Variants in MYO9B observed in about 807,000 individuals in gnomAD.
MYO9B encodes unconventional myosin-IXb.
MYO9B carries 71 observed loss-of-function variants against 229.5 expected under a neutral mutation model. That is an observed-to-expected ratio of 0.31 (90% confidence interval 0.26 to 0.38). MYO9B has a LOEUF of 0.38. MYO9B is among the 10% of genes least tolerant of loss of function. The pLI, the probability that MYO9B is intolerant of heterozygous loss-of-function variation, is 1.00. For synonymous variants in MYO9B, 1,185 were observed against 1,235.8 expected (o/e 0.96, Z 0.86); for missense variants, 2,255 against 2,920.5 (o/e 0.77, Z 5.25).
chr19:17,191,365 G>A, intron 20 of MYO9B, 146 bp downstream of exon 20: 3 of 1,132,080 alleles, frequency 2.6e-6, no homozygotes, highest in Non-Finnish European at 3.6e-6. Context: ...GCAGAGCACT[G>A]CACCTAAGGG....
rs1230350396 is a variant in MYO9B, at chr19:17,206,032, C to A, written c.5137C>A (p.Pro1713Thr). ...DSLTSDKASV[P>T]IVLEKLLEHV... ...CCTGACCAGCGACAAGGCCTCGGTG[C>A]CCATCGTGCTGGAGAAGCTCCTGGA... The change falls in exon 32 of 40, where the codon CCC becomes ACC. Residue 1713 changes from proline (P) to threonine (T), a missense_variant. Pro to Thr is a conservative substitution (Grantham distance 38). Transcript: ENST00000682292. 1.2e-6 allele frequency: 2 copies of A among 1,608,940 alleles called. No individual in the cohort carries two copies. The highest frequency in any genetic ancestry group is 2.7e-5 in the African/African-American group (2 of 74,852).
chr19:17,200,363 C>T lies in MYO9B; in HGVS notation c.4309C>T (p.Leu1437=). The T allele has an allele frequency of 6.2e-7, 1 of 1,609,398 alleles. No homozygotes were observed. The highest frequency in any genetic ancestry group is 8.5e-7 in the Non-Finnish European group (1 of 1,177,644). The stretch of plus-strand genomic sequence containing the variant: ...ATACAGCCTGGAGGGCGCAGAGGAG[C>T]TGGAGAATGCAGTGTCCGGGCACGT... ...KKYSLEGAEE[L]ENAVSGHVVL... The change falls in exon 25 of 40, where the codon CTG becomes TTG. Residue 1437 remains leucine (L), a synonymous_variant. Coordinates refer to ENST00000682292, the MANE Select transcript of MYO9B (RefSeq NM_004145.4).
chr19:17,083,192 C>T (rs1322047872), intron 1 of MYO9B, among the ~76,000 whole-genome samples: 3 of 151,990 alleles, frequency 2.0e-5, no homozygotes, highest in African/African-American at 4.8e-5. Context: ...GTCACCACCA[C>T]GCCAGGCTAA....
At chr19:17,127,629 C>T (rs2072141321) in intron 2 of MYO9B, among the ~76,000 whole-genome samples, 1 of 152,118 alleles carries the variant, frequency 6.6e-6, no homozygotes, top group African/African-American at 2.4e-5. Flanking sequence ...ATACCCAGCC[C>T]CCTAAGCATT....
intron 35 of MYO9B, chr19:17,208,143 T>A (rs958538309): frequency 6.7e-6 from 1 of 150,318 alleles, no homozygotes; most frequent in African/African-American, 2.5e-5. Flanking sequence ...AGAGTGAGAC[T>A]CCGTCTCAAA....
At chr19:17,184,029 G>A (rs1419904007) in intron 16 of MYO9B, 161 bp downstream of exon 16, 1 of 737,612 alleles carries the variant, frequency 1.4e-6, no homozygotes, top group African/African-American at 1.8e-5. Context: ...ATGATTTAGA[G>A]CTGTCTCTTT....
At chr19:17,113,635 G>T (rs1375725888) in intron 2 of MYO9B, among the ~76,000 whole-genome samples, 3 of 152,140 alleles carry the variant, frequency 2.0e-5, no homozygotes, top group African/African-American at 7.2e-5. Context: ...AGGTCCCTGA[G>T]GGGGGTGAGC....
In MYO9B at chr19:17,101,169, G is replaced by A. The variant is rs1346373796; in HGVS notation, c.-58-491G>A. ...TTGGGGTTGTCTGATGATGTCACTT[G>A]TAAAAGCCACTGTATTTTTTTTTAA... On this transcript the variant is annotated intron_variant, in intron 1 of 39. Transcript: ENST00000682292. The surrounding 1 kb of genome is among the most constrained non-coding windows in gnomAD (Gnocchi z 4.7). Among the ~76,000 whole-genome samples, 1 of 151,388 alleles carries A rather than the reference G, an allele frequency of 6.6e-6. No homozygotes were observed. The highest frequency in any genetic ancestry group is 2.4e-5 in the African/African-American group (1 of 41,192).
At position 17,207,327 on chromosome 19, in the gene MYO9B, A is replaced by G. The variant is rs531097166; in HGVS notation, c.5624+83A>G. ...GACAGCTCCATCCATCCCTGTGTAA[A>G]TAAATGTGTAAGAAAAGTCCAGAGC... On this transcript the variant is annotated intron_variant, in intron 35 of 39. Transcript: ENST00000682292. 2.6e-6 allele frequency: 4 copies of G among 1,512,888 alleles called. No individual in the cohort carries two copies. In the East Asian group the frequency reaches 9.8e-5, roughly 37 times the overall value. 93.7% of individuals were successfully genotyped at this position (1,512,888 alleles called of 1,614,324 possible). A position where few individuals can be genotyped will look rare whatever the true frequency, so the allele number is the denominator to read the frequency against.
At chr19:17,078,100 G>A (rs2057502675) in intron 1 of MYO9B, among the ~76,000 whole-genome samples, 1 of 152,132 alleles carries the variant, frequency 6.6e-6, no homozygotes, top group African/African-American at 2.4e-5. Context: ...CTTCCAAATG[G>A]TGTGTCTTGG....
intron 2 of MYO9B, among the ~76,000 whole-genome samples, chr19:17,114,292 T>C (rs1281447143): frequency 1.3e-5 from 2 of 152,138 alleles, no homozygotes; most frequent in South Asian, 2.1e-4. Flanking sequence ...TTCGGCACGA[T>C]TGTGGAGTGG....
chr19:17,116,764 G>T (rs2057908203), intron 2 of MYO9B, among the ~76,000 whole-genome samples: 1 of 152,220 alleles, frequency 6.6e-6, no homozygotes, highest in Admixed American at 6.5e-5. Flanking sequence ...GTCTTTGGTG[G>T]GTATGGAGAG....
In MYO9B at chr19:17,102,466, A is replaced by G; in HGVS notation, c.749A>G (p.Asn250Ser). The part of the protein sequence containing the change: ...ESGSGKTQST[N>S]FLIHCLTALS... ...GGCTCCGGCAAGACCCAGAGCACCA[A>G]CTTCCTCATCCACTGCCTCACCGCC... Residue 250 changes from asparagine (N) to serine (S), a missense_variant, in exon 2 of 40, where the codon AAC (asparagine) becomes AGC (serine). By Grantham distance (46) the Asn-to-Ser change is conservative. Transcript: ENST00000682292. 3.1e-6 allele frequency: 5 copies of G among 1,613,858 alleles called. No individual in the cohort carries two copies. The highest frequency in any genetic ancestry group is 1.1e-5 in the South Asian group (1 of 91,086).
chr19:17,189,096 G>C (rs2072952207), intron 19 of MYO9B, among the ~76,000 whole-genome samples: 1 of 151,556 alleles, frequency 6.6e-6, no homozygotes, highest in African/African-American at 2.4e-5. Context: ...GGGAGATGGA[G>C]GTTGCAATAA....
intron 38 of MYO9B, 144 bp from the exon 39 acceptor site, chr19:17,211,503 G>A: frequency 1.3e-6 from 1 of 798,470 alleles, no homozygotes; most frequent in South Asian, 1.9e-5. Context: ...TCAAACTCCT[G>A]GGCTCAAGCA....
chr19:17,113,153 C>CAG (rs1221373021), intron 2 of MYO9B, among the ~76,000 whole-genome samples: 2 of 152,184 alleles, frequency 1.3e-5, no homozygotes, highest in African/African-American at 4.8e-5. Flanking sequence ...TACATGAATG[C>CAG]AGAGGTATTT....
rs1158773780 is a variant in MYO9B at position 17,101,343 on chromosome 19, T to G, written c.-58-317T>G. On this transcript the variant is annotated intron_variant, in intron 1 of 39. Transcript: ENST00000682292. The surrounding 1 kb of genome is among the most constrained non-coding windows in gnomAD (Gnocchi z 4.7). ...CAGGCGAGCACCACTATGCCTTTATTTTTTGTAGAGACGGGGTCTCGCTAT... is the reference window on the plus strand; with the variant it reads ...CAGGCGAGCACCACTATGCCTTTATGTTTTGTAGAGACGGGGTCTCGCTAT... 1.3e-5 allele frequency among the ~76,000 whole-genome samples: 2 copies of G among 151,862 alleles called. 1 individual carries two copies.
At chr19:17,094,326 C>T (rs1270776863) in intron 1 of MYO9B, among the ~76,000 whole-genome samples, 2 of 152,188 alleles carry the variant, frequency 1.3e-5, no homozygotes, top group African/African-American at 2.4e-5. Flanking sequence ...TGAGCCACCA[C>T]GCTCGGCCAA....
At chr19:17,174,417 G>T (rs895911381) in intron 13 of MYO9B, among the ~76,000 whole-genome samples, 1 of 151,842 alleles carries the variant, frequency 6.6e-6, no homozygotes, top group Non-Finnish European at 1.5e-5. Flanking sequence ...GCAGACGATC[G>T]CTTGAGGTCG....
Sources: allele counts gnomAD v4.1 joint callset (sites outside exome capture counted in the v4.1 genomes callset), GRCh38; gene constraint gnomAD v4.1.1; non-coding constraint Gnocchi (gnomAD v3.1); transcripts MANE v1.5; gene names NCBI Gene and HGNC (gene_info 2026-07-23, HGNC 2026-07-21).